The following PTBP2 variants were observed in gnomAD, a reference collection of about 807,000 sequenced individuals.
The protein encoded by PTBP2 is polypyrimidine tract binding protein 2.
Under a neutral mutation model 61.4 loss-of-function variants are expected in PTBP2, and 13 were observed. The observed-to-expected ratio is 0.21, with a 90% CI of 0.14 to 0.34. The LOEUF (loss-of-function observed/expected upper bound fraction) is 0.34, where lower values mean the gene tolerates loss of function less well. PTBP2 is among the 10% of genes least tolerant of loss of function. The pLI, the probability that PTBP2 is intolerant of heterozygous loss-of-function variation, is 1.00. For synonymous variants in PTBP2, 215 were observed against 218.5 expected, an observed-to-expected ratio of 0.98 and a Z score of 0.14; for missense variants, 405 against 642.6, an observed-to-expected ratio of 0.63 and a Z score of 4.00.
chr1:96,776,486 G>A (rs965056997), intron 5 of PTBP2, among the ~76,000 whole-genome samples: 12 of 151,986 alleles, frequency 7.9e-5, no homozygotes, highest in African/African-American at 2.6e-4. Context: ...CTCTCAAGCC[G>A]TGTGATCTGT....
At chr1:96,726,108 A>AC (rs1650450734) in intron 2 of PTBP2, among the ~76,000 whole-genome samples, 1 of 141,202 alleles carries the variant, frequency 7.1e-6, no homozygotes, top group Non-Finnish European at 1.5e-5. Context: ...AAAAAAAAAA[A>AC]AAATTCAAAC....
chr1:96,724,172 T>G (rs1452948685), intron 2 of PTBP2, among the ~76,000 whole-genome samples: 1 of 152,180 alleles, frequency 6.6e-6, no homozygotes, highest in Non-Finnish European at 1.5e-5. Flanking sequence ...AAACTACTCA[T>G]CGTTTAAACT....
At chr1:96,767,101 T>C in intron 3 of PTBP2, among the ~76,000 whole-genome samples, 1 of 152,130 alleles carries the variant, frequency 6.6e-6, no homozygotes, top group Non-Finnish European at 1.5e-5. Flanking sequence ...AATTACATCT[T>C]TTCTATATTT....
chr1:96,746,530 A>G (rs939357093), intron 2 of PTBP2, among the ~76,000 whole-genome samples: 1 of 151,708 alleles, frequency 6.6e-6, no homozygotes, highest in African/African-American at 2.4e-5. Flanking sequence ...TTATTATTTA[A>G]CTGATTTTGT....
chr1:96,796,555 G>A (rs1198539462), intron 8 of PTBP2, among the ~76,000 whole-genome samples: 2 of 152,068 alleles, frequency 1.3e-5, no homozygotes, highest in Non-Finnish European at 2.9e-5. Flanking sequence ...TCTCAAAAAT[G>A]GACTGGAAAT....
chr1:96,778,167 C>CTT (rs371248551), intron 7 of PTBP2, among the ~76,000 whole-genome samples: 1 of 125,292 alleles, frequency 8.0e-6, no homozygotes. Context: ...TATTATTTTA[C>CTT]TTTTTTTTTT....
Position 96,775,073 on chromosome 1 carries a change from T to TCTTCTCCTAAAAGCTATCC in PTBP2, c.433-2510_433-2492dup, listed in dbSNP as rs1553181352. The stretch of plus-strand genomic sequence containing the variant: ...ATCTTGAGGTCTCCCTTTAGCTATT[T>TCTTCTCCTAAAAGCTATCC]CTTCTCCTAAAAGCTATCCCCTGAT... On this transcript the variant is annotated intron_variant, in intron 5 of 13. Coordinates refer to ENST00000674951, the MANE Select transcript of PTBP2 (RefSeq NM_021190.4). 7.0e-4 allele frequency among the ~76,000 whole-genome samples: 107 copies of TCTTCTCCTAAAAGCTATCC among 152,326 alleles called. 1 individual carries two copies. Among genetic ancestry groups the TCTTCTCCTAAAAGCTATCC allele is most frequent in the Admixed American group, 6.9e-3 (106 of 15,294 alleles).
chr1:96,770,685 A>C, intron 4 of PTBP2, 23 bp from the exon 5 acceptor site: 1 of 1,591,718 alleles, frequency 6.3e-7, no homozygotes. Flanking sequence ...TAGTATTAAA[A>C]ATTGTGCTAC....
intron 8 of PTBP2, among the ~76,000 whole-genome samples, chr1:96,792,644 T>G (rs1258889160): frequency 6.6e-6 from 1 of 152,196 alleles, no homozygotes; most frequent in East Asian, 1.9e-4. Context: ...CATTAAGTAT[T>G]TAGCCTGATT....
rs142314525 is a variant in PTBP2 at position 96,730,061 on chromosome 1, G to A, written c.39+6467G>A. 2.9e-3 allele frequency among the ~76,000 whole-genome samples: 441 copies of A among 152,230 alleles called. 2 individuals carry two copies. Among genetic ancestry groups the A allele is most frequent in the African/African-American group, 0.01 (431 of 41,556 alleles). ...CATTTTTACACTTTTGGTATCTGTT[G>A]AATCCTTAGTGATGTCAGCTTTCTC... On this transcript the variant is annotated intron_variant, in intron 2 of 13. Coordinates refer to ENST00000674951, the MANE Select transcript of PTBP2 (RefSeq NM_021190.4).
chr1:96,723,416 G>T (rs1199959391), intron 1 of PTBP2, 148 bp from the exon 2 acceptor site: 2 of 555,576 alleles, frequency 3.6e-6, no homozygotes, highest in South Asian at 4.5e-5. Flanking sequence ...GGTAAGTCAC[G>T]GATCATCTGT....
At chr1:96,762,634 C>T (rs1349635325) in intron 3 of PTBP2, among the ~76,000 whole-genome samples, 1 of 149,500 alleles carries the variant, frequency 6.7e-6, no homozygotes, top group Non-Finnish European at 1.5e-5. Flanking sequence ...AGAGGCGCCC[C>T]TCACCTCCCG....
intron 8 of PTBP2, among the ~76,000 whole-genome samples, chr1:96,802,168 G>T (rs1489101907): frequency 8.7e-5 from 11 of 125,824 alleles, no homozygotes; most frequent in African/African-American, 1.2e-4. Flanking sequence ...CCGAGATCAC[G>T]CCACTGCACT....
At chr1:96,756,131 G>A (rs1655132446) in intron 3 of PTBP2, among the ~76,000 whole-genome samples, 1 of 152,190 alleles carries the variant, frequency 6.6e-6, no homozygotes, top group African/African-American at 2.4e-5. Flanking sequence ...GGGCACAGTG[G>A]CTTACGCCTG....
intron 8 of PTBP2, among the ~76,000 whole-genome samples, chr1:96,803,426 AG>A (rs1661217007): frequency 6.6e-6 from 1 of 152,080 alleles, no homozygotes; most frequent in East Asian, 1.9e-4. Flanking sequence ...GAAAAAAAGG[AG>A]AGCCTAAAAA....
intron 8 of PTBP2, among the ~76,000 whole-genome samples, chr1:96,794,865 C>G (rs1660208467): frequency 6.6e-6 from 1 of 152,074 alleles, no homozygotes; most frequent in Non-Finnish European, 1.5e-5. Flanking sequence ...GATGAACATT[C>G]AGTTATGTGT....
At chr1:96,806,758 A>G (rs912160314) in intron 10 of PTBP2, 108 bp from the exon 11 acceptor site, 6 of 781,940 alleles carry the variant, frequency 7.7e-6, no homozygotes, top group African/African-American at 3.5e-5. Flanking sequence ...TTGAGTGATC[A>G]TGTTGATGTC....
downstream of PTBP2, chr1:96,816,481 A>G (rs1006187531): frequency 1.3e-5 from 2 of 152,138 alleles, no homozygotes; most frequent in African/African-American, 2.4e-5. Flanking sequence ...GGTATTGAAG[A>G]TGTATTTTGG....
chr1:96,801,413 TC>T (rs1292282420), intron 8 of PTBP2, among the ~76,000 whole-genome samples: 3 of 152,204 alleles, frequency 2.0e-5, no homozygotes, highest in African/African-American at 7.2e-5. Flanking sequence ...TTGTGAGAGT[TC>T]CTGAGATCTT....
Sources: allele counts gnomAD v4.1 joint callset (sites outside exome capture counted in the v4.1 genomes callset), GRCh38; gene constraint gnomAD v4.1.1; transcripts MANE v1.5; gene names NCBI Gene and HGNC (gene_info 2026-07-23, HGNC 2026-07-21).